The following TRPC4 variants were observed in gnomAD, a reference collection of about 807,000 sequenced individuals.
TRPC4 encodes short transient receptor potential channel 4.
TRPC4 carries 49 observed loss-of-function variants against 99.4 expected under a neutral mutation model. That is an observed-to-expected ratio of 0.49 (90% CI 0.39 to 0.63). TRPC4 has a LOEUF of 0.63. Ranked by LOEUF, TRPC4 falls within the 20% of genes least tolerant of loss-of-function variation. TRPC4 has a pLI of 0.00. For missense variants in TRPC4, 898 were observed against 1,152.9 expected, an observed-to-expected ratio of 0.78 and a Z score of 3.20; for synonymous variants, 454 against 425.9, an observed-to-expected ratio of 1.07 and a Z score of -0.81.
intron 5 of TRPC4, among the ~76,000 whole-genome samples, chr13:37,665,932 GT>G (rs1952633850): frequency 6.6e-6 from 1 of 150,656 alleles, no homozygotes. Context: ...TGATTTCAGA[GT>G]CTAGCACTTC....
chr13:37,800,745 A>G (rs1377789646), intron 1 of TRPC4, among the ~76,000 whole-genome samples: 3 of 151,972 alleles, frequency 2.0e-5, no homozygotes, highest in Non-Finnish European at 2.9e-5. Flanking sequence ...GACACTAAAT[A>G]AAAATAATAG....
intron 1 of TRPC4, among the ~76,000 whole-genome samples, chr13:37,787,051 A>G (rs1473856187): frequency 6.6e-6 from 1 of 152,046 alleles, no homozygotes; most frequent in Non-Finnish European, 1.5e-5. Flanking sequence ...AGATATTTAT[A>G]TGTATCTGAA....
At chr13:37,865,270 T>C (rs1043438070) in intron 1 of TRPC4, among the ~76,000 whole-genome samples, 1 of 151,624 alleles carries the variant, frequency 6.6e-6, no homozygotes. Context: ...TACATAACAT[T>C]GATAAGATGT....
At chr13:37,853,908 A>G (rs75308391) in intron 1 of TRPC4, among the ~76,000 whole-genome samples, 3 of 152,092 alleles carry the variant, frequency 2.0e-5, no homozygotes, top group African/African-American at 7.2e-5. Flanking sequence ...TAATAAAAAA[A>G]TGAAGTATGC....
chr13:37,862,416 C>T (rs573277179), intron 1 of TRPC4, among the ~76,000 whole-genome samples: 3 of 151,536 alleles, frequency 2.0e-5, no homozygotes, highest in Non-Finnish European at 4.4e-5. Context: ...GTCAATAATG[C>T]TATTTAAATT....
chr13:37,651,845 C>T (rs1167216172), intron 7 of TRPC4, among the ~76,000 whole-genome samples: 3 of 152,190 alleles, frequency 2.0e-5, no homozygotes, highest in Non-Finnish European at 4.4e-5. Context: ...GCCTTGTATT[C>T]CTGCTTAGAT....
chr13:37,675,397 C>T (rs1015912426), intron 4 of TRPC4, among the ~76,000 whole-genome samples: 1 of 152,178 alleles, frequency 6.6e-6, no homozygotes, highest in Non-Finnish European at 1.5e-5. Context: ...GACACTGGCA[C>T]CATCCAAGAG....
chr13:37,665,930 G>C (rs992614347), intron 5 of TRPC4, among the ~76,000 whole-genome samples: 1 of 150,514 alleles, frequency 6.6e-6, no homozygotes, highest in Non-Finnish European at 1.5e-5. Flanking sequence ...GCTGATTTCA[G>C]AGTCTAGCAC....
chr13:37,769,442 T>C (rs959652802), intron 2 of TRPC4, among the ~76,000 whole-genome samples: 7 of 151,548 alleles, frequency 4.6e-5, no homozygotes, highest in Non-Finnish European at 8.9e-5. Flanking sequence ...TGTATATTAT[T>C]CTATGGGATT....
At chr13:37,821,041 A>G (rs1408123350) in intron 1 of TRPC4, among the ~76,000 whole-genome samples, 1 of 152,054 alleles carries the variant, frequency 6.6e-6, no homozygotes, top group Non-Finnish European at 1.5e-5. Context: ...AAAGCCCCAT[A>G]GTCTCTGCAC....
Position 37,865,611 on chromosome 13 carries a change from A to C in TRPC4, c.-28+3984T>G, listed in dbSNP as rs572309999. 4.0e-5 allele frequency among the ~76,000 whole-genome samples: 6 copies of C among 151,876 alleles called. No homozygotes were observed. The South Asian group carries it at 8.3e-4, about 21-fold the overall frequency. ...CAAATTCTATCCCCATGATGGGGAC[A>C]GTTGTTTATATTCCAATGTTATAAT... On this transcript the variant is annotated intron_variant, in intron 1 of 10. Transcript: ENST00000379705.
intron 2 of TRPC4, among the ~76,000 whole-genome samples, chr13:37,773,463 C>A (rs868721111): frequency 1.3e-5 from 2 of 151,818 alleles, no homozygotes; most frequent in Middle Eastern, 3.4e-3. Context: ...CTTACTGAAC[C>A]CCTGTTACTT....
rs1226836750 is a variant in TRPC4, at chr13:37,674,222, A to C, written c.1374+6T>G. 6.3e-7 allele frequency: 1 copy of C among 1,580,834 alleles called. No individual in the cohort carries two copies. Among genetic ancestry groups the C allele is most frequent in the African/African-American group, 1.4e-5 (1 of 73,876 alleles). On this transcript the variant is annotated splice_donor_region_variant and intron_variant, in intron 5 of 10. Transcript: ENST00000379705. ...ATGCTTTACCAACAACATAAATAAT[A>C]GTTACCTTTACAAATGCAACAATTT...
At chr13:37,638,357 T>C (rs758549541) in intron 10 of TRPC4, among the ~76,000 whole-genome samples, 1 of 152,182 alleles carries the variant, frequency 6.6e-6, no homozygotes, top group Non-Finnish European at 1.5e-5. Flanking sequence ...TTAAGTTTTG[T>C]AATTTCTCTA....
At chr13:37,647,234 G>A (rs1593426374) in intron 8 of TRPC4, among the ~76,000 whole-genome samples, 2 of 152,182 alleles carry the variant, frequency 1.3e-5, no homozygotes, top group East Asian at 1.9e-4. Flanking sequence ...CTCAAAGGCT[G>A]GGTGACGAGT....
chr13:37,659,028 C>T (rs1306023546), intron 6 of TRPC4, among the ~76,000 whole-genome samples: 2 of 152,034 alleles, frequency 1.3e-5, no homozygotes, highest in Non-Finnish European at 2.9e-5. Flanking sequence ...ATTTATAATC[C>T]ATCAGGAAAT....
intron 1 of TRPC4, among the ~76,000 whole-genome samples, chr13:37,857,146 C>A (rs1959180901): frequency 6.6e-6 from 1 of 150,784 alleles, no homozygotes; most frequent in Non-Finnish European, 1.5e-5. Flanking sequence ...AACAATCTGA[C>A]AAAGAAATAA....
chr13:37,827,728 T>G (rs1958278497), intron 1 of TRPC4, among the ~76,000 whole-genome samples: 1 of 152,182 alleles, frequency 6.6e-6, no homozygotes, highest in African/African-American at 2.4e-5. Flanking sequence ...TCTTTTTGTT[T>G]GTCTGTGCCC....
chr13:37,740,280 T>C (rs978283808), intron 3 of TRPC4, among the ~76,000 whole-genome samples: 3 of 152,222 alleles, frequency 2.0e-5, no homozygotes, highest in African/African-American at 4.8e-5. Flanking sequence ...CATCTTGCTA[T>C]AGATCTCAGA....
Sources: allele counts gnomAD v4.1 joint callset (sites outside exome capture counted in the v4.1 genomes callset), GRCh38; gene constraint gnomAD v4.1.1; transcripts MANE v1.5; gene names NCBI Gene and HGNC (gene_info 2026-07-23, HGNC 2026-07-21).